The following LRRC75B variants were observed in gnomAD, a reference collection of about 807,000 sequenced individuals.
LRRC75B encodes the protein leucine-rich repeat-containing protein 75B.
A neutral mutation model predicts 16.5 loss-of-function variants in LRRC75B; 20 were observed. The observed-to-expected ratio is 1.21, with a 90% CI of 0.85 to 1.76. LRRC75B has a LOEUF of 1.76. LRRC75B is among the 40% of genes most tolerant of loss of function. LRRC75B has a pLI of 0.00. For synonymous variants in LRRC75B, 199 were observed against 198.1 expected (o/e 1.00, Z -0.04); for missense variants, 406 against 417.0 (o/e 0.97, Z 0.23).
chr22:24,589,728 A>T, intron 2 of LRRC75B, 93 bp downstream of exon 2: 1 of 1,403,716 alleles, frequency 7.1e-7, no homozygotes, highest in Middle Eastern at 2.4e-4. Context: ...CAAGCCGCAG[A>T]AGGACCTAGC....
rs548454859 is a variant in LRRC75B, at chr22:24,586,851, T to C, written c.423-440A>G. 3.3e-5 allele frequency among the ~76,000 whole-genome samples: 5 copies of C among 152,340 alleles called. No homozygotes were observed. In the East Asian group the frequency reaches 7.7e-4, roughly 24 times the overall value. On this transcript the variant is annotated intron_variant, in intron 3 of 3. Coordinates refer to ENST00000318753, the MANE Select transcript of LRRC75B (RefSeq NM_207644.3). ...CGGGCCCAAACTGTCACTTTCTAAG[T>C]GGGTGGCCATGGGCAATGCTCAGAG...
At chr22:24,590,889 T>C (rs996158981) in intron 1 of LRRC75B, among the ~76,000 whole-genome samples, 8 of 151,872 alleles carry the variant, frequency 5.3e-5, no homozygotes, top group African/African-American at 1.9e-4. Flanking sequence ...TCCTCCTCTC[T>C]CCCCCAGCTC....
Position 24,592,918 on chromosome 22 carries a change from G to A in LRRC75B, c.122C>T (p.Thr41Met). ...RVRWLREIQSTLRERRPERAR... is the reference protein window; with the variant it reads ...RVRWLREIQSMLRERRPERAR... ...GCGCTCCGGCCGCCGCTCGCGGAGCGTGGACTGGATCTCGCGGAGCCACCG... is the reference window on the plus strand; with the variant it reads ...GCGCTCCGGCCGCCGCTCGCGGAGCATGGACTGGATCTCGCGGAGCCACCG... Residue 41 changes from threonine to methionine, a missense_variant, in exon 1 of 4, where the codon ACG becomes ATG. By Grantham distance (81) the Thr-to-Met change is moderately conservative (BLOSUM62 -1). Coordinates refer to ENST00000318753, the MANE Select transcript of LRRC75B (RefSeq NM_207644.3). 1.6e-6 allele frequency: 2 copies of A among 1,271,854 alleles called. No homozygotes were observed. The highest frequency in any genetic ancestry group is 2.0e-6 in the Non-Finnish European group (2 of 1,007,556). The allele number at this position is 1,271,854 out of a possible 1,614,324, so 78.8% of individuals were successfully genotyped here.
chr22:24,587,496 G>A (rs1169106763), intron 3 of LRRC75B, among the ~76,000 whole-genome samples: 2 of 152,332 alleles, frequency 1.3e-5, no homozygotes, highest in Admixed American at 1.3e-4. Context: ...GCTCAGCGTG[G>A]CCTATTAGGC....
rs566425551 is a variant in LRRC75B, at chr22:24,591,143, G to A, written c.178-1194C>T. 3.8e-4 allele frequency among the ~76,000 whole-genome samples: 58 copies of A among 152,346 alleles called. No individual in the cohort carries two copies. In the South Asian group the frequency reaches 7.5e-3, roughly 20 times the overall value. On this transcript the variant is annotated intron_variant, in intron 1 of 3. Transcript: ENST00000318753. Reference sequence around the variant, plus strand: ...TGCCCGGGCTGGGGCGCAGTGGTGCGAGGTCAGCTCACCGCAACCTCCGCC... The same window carrying A: ...TGCCCGGGCTGGGGCGCAGTGGTGCAAGGTCAGCTCACCGCAACCTCCGCC...
At chr22:24,587,886 G>A (rs962561169) in intron 3 of LRRC75B, among the ~76,000 whole-genome samples, 2 of 152,174 alleles carry the variant, frequency 1.3e-5, no homozygotes, top group Non-Finnish European at 2.9e-5. Flanking sequence ...AGCTGAAGAT[G>A]CCTACTGAGG....
Position 24,586,689 on chromosome 22 carries a change from G to A in LRRC75B, c.423-278C>T, listed in dbSNP as rs1220931531. Among the ~76,000 whole-genome samples, 6 of 152,352 alleles carry A rather than the reference G, an allele frequency of 3.9e-5. 1 individual carries two copies. The South Asian group carries it at 8.3e-4, about 21-fold the overall frequency. ...TGGGATTAAAGGCATGTGCCACCAC[G>A]CCTGGCTAATTTTGTATTTTTAGTA... On this transcript the variant is annotated intron_variant, in intron 3 of 3. Coordinates refer to ENST00000318753, the MANE Select transcript of LRRC75B (RefSeq NM_207644.3).
Position 24,588,293 on chromosome 22 carries a change from G to T in LRRC75B, c.343C>A (p.Arg115=). Residue 115 remains arginine (R), a synonymous_variant, in exon 3 of 4, where the codon CGA becomes AGA. Coordinates refer to ENST00000318753, the MANE Select transcript of LRRC75B (RefSeq NM_207644.3). ...ELWKSSDKIC[R]QLIYHLTPHS... ...GGGGTGAGGTGGTAGATGAGCTGTC[G>T]GCAGATCTTGTCCGAGGACTTCCAG... 1 of 1,613,524 alleles carries T rather than the reference G, an allele frequency of 6.2e-7. No individual in the cohort carries two copies. Among genetic ancestry groups the T allele is most frequent in the Non-Finnish European group, 8.5e-7 (1 of 1,179,886 alleles).
chr22:24,590,292 TA>T (rs888821560), intron 1 of LRRC75B, among the ~76,000 whole-genome samples: 68 of 151,526 alleles, frequency 4.5e-4, no homozygotes, highest in African/African-American at 1.6e-3. Flanking sequence ...TATGCTCAGC[TA>T]ATTAAAAAAA....
At chr22:24,588,681 CAG>C in intron 2 of LRRC75B, 1 of 1,107,044 alleles carries the variant, frequency 9.0e-7, no homozygotes, top group Non-Finnish European at 1.1e-6. Flanking sequence ...GGACTTGCCA[CAG>C]GGGGAGGAGG....
chr22:24,588,489 C>T, intron 2 of LRRC75B, 160 bp from the exon 3 acceptor site: 1 of 757,838 alleles, frequency 1.3e-6, no homozygotes, highest in Non-Finnish European at 2.1e-6. Flanking sequence ...ACCCCCCAAC[C>T]CGGCTGTGGC....
At chr22:24,587,188 G>A (rs1008966230) in intron 3 of LRRC75B, among the ~76,000 whole-genome samples, 1 of 152,194 alleles carries the variant, frequency 6.6e-6, no homozygotes, top group Non-Finnish European at 1.5e-5. Context: ...CAAAGGGACG[G>A]CTATTAGGCT....
At position 24,585,637 on chromosome 22, in the gene LRRC75B, G is replaced by A. The variant is rs1001711695; in HGVS notation, c.*249C>T. 7.3e-6 allele frequency: 4 copies of A among 548,090 alleles called. No individual in the cohort carries two copies. Among genetic ancestry groups the A allele is most frequent in the African/African-American group, 3.8e-5 (2 of 52,936 alleles). 34.0% of individuals were successfully genotyped at this position (548,090 alleles called of 1,614,324 possible). Reference sequence around the variant, plus strand: ...GTTGGTGATGCAGAAAAGCAGAGGCGGGTGTCACTCTTTATTGCGGGGTCC... The same window carrying A: ...GTTGGTGATGCAGAAAAGCAGAGGCAGGTGTCACTCTTTATTGCGGGGTCC... On this transcript the variant is annotated 3_prime_UTR_variant, in exon 4 of 4. Transcript: ENST00000318753.
In LRRC75B at chr22:24,586,069, C is replaced by T. The variant is rs1425226162; in HGVS notation, c.765G>A (p.Leu255=). ...DLGNNVDVAS[L]PQPLLVGLRR... ...GCAGGCCGACCAGCAGGGGCTGGGG[C>T]AGGGAAGCCACATCCACGTTGTTGC... Residue 255 remains leucine, a synonymous_variant, in exon 4 of 4, where the codon CTG becomes CTA. Transcript: ENST00000318753. The T allele has an allele frequency of 1.9e-6, 3 of 1,612,030 alleles. No homozygotes were observed. The highest frequency in any genetic ancestry group is 2.5e-6 in the Non-Finnish European group (3 of 1,179,942).
intron 3 of LRRC75B, 132 bp downstream of exon 3, chr22:24,588,082 C>T (rs2045452272): frequency 4.3e-6 from 3 of 698,780 alleles, no homozygotes; most frequent in South Asian, 1.7e-5. Flanking sequence ...AGGGTAGGGC[C>T]CTCATGCGGA....
intron 1 of LRRC75B, among the ~76,000 whole-genome samples, chr22:24,590,753 G>A (rs1386515342): frequency 6.6e-6 from 1 of 152,094 alleles, no homozygotes; most frequent in Non-Finnish European, 1.5e-5. Flanking sequence ...TCTCTCAGAT[G>A]TCTCAAAGGC....
chr22:24,586,307 C>T lies in LRRC75B; in HGVS notation c.527G>A (p.Ser176Asn). 2 of 1,613,998 alleles carry T rather than the reference C, an allele frequency of 1.2e-6. No individual in the cohort carries two copies. Among genetic ancestry groups the T allele is most frequent in the Non-Finnish European group, 8.5e-7 (1 of 1,180,052 alleles). The change falls in exon 4 of 4, where the codon AGC becomes AAC. Residue 176 changes from serine (S) to asparagine (N), a missense_variant. Physicochemically the swap from Ser to Asn is conservative, Grantham distance 46. Transcript: ENST00000318753. ...CACCGCCAGCACAGCACCATGGCTG[C>T]TCAGGTAGCGTGTGATGTGTTGCAC... Reference protein sequence around the residue: ...QDVQHITRYLSSHGAVLAVLD... With the variant: ...QDVQHITRYLNSHGAVLAVLD...
chr22:24,589,835 G>A lies in LRRC75B; in HGVS notation c.292C>T (p.Gln98Ter). 6.2e-7 allele frequency: 1 copy of A among 1,613,164 alleles called. No homozygotes were observed. Residue 98 changes from glutamine to a stop codon, truncating the protein, a stop_gained, in exon 2 of 4, where the codon CAG becomes TAG. Transcript: ENST00000318753. LOFTEE classifies it high-confidence loss of function. ...GCCAGCCTCACCTTCTTGGGGCACT[G>A]CAGGTCCCGGGCCAGGTTCACAAGC... is the stretch of plus-strand genomic sequence containing the variant. ...DLLVNLARDL[Q>*]CPKKDYELWK... is the part of the protein sequence containing the mutation.
chr22:24,586,914 T>C (rs886467002), intron 3 of LRRC75B, among the ~76,000 whole-genome samples: 2 of 152,244 alleles, frequency 1.3e-5, no homozygotes, highest in African/African-American at 4.8e-5. Context: ...GACGTGGTTG[T>C]TGTGAGGATT....
Sources: gnomAD v4.1 joint callset for allele counts (sites outside exome capture counted in the v4.1 genomes callset) on GRCh38, gnomAD v4.1.1 for gene constraint, MANE v1.5 for transcripts, NCBI Gene and HGNC (gene_info 2026-07-23, HGNC 2026-07-21) for gene names.